The following CNTNAP2 variants were observed in gnomAD, a reference collection of about 807,000 sequenced individuals.
CNTNAP2 encodes the protein contactin associated protein 2.
In CNTNAP2, 98 loss-of-function variants were observed where a neutral mutation model predicts 155.2. The observed-to-expected ratio is 0.63, with a 90% confidence interval of 0.54 to 0.75. The LOEUF (loss-of-function observed/expected upper bound fraction) is 0.75, where lower values mean the gene tolerates loss of function less well. Among genes scored for constraint, CNTNAP2 ranks in the 30% least tolerant of loss-of-function variants. The pLI is 0.00. For synonymous variants in CNTNAP2, 651 were observed against 631.2 expected, an observed-to-expected ratio of 1.03 and a Z score of -0.47; for missense variants, 1,727 against 1,688.1, an observed-to-expected ratio of 1.02 and a Z score of -0.40.
Position 146,585,824 on chromosome 7 carries a change from T to TGAGA in CNTNAP2, c.98-188436_98-188433dup, listed in dbSNP as rs910519048. Among the ~76,000 whole-genome samples the TGAGA allele has an allele frequency of 1.6e-3, 242 of 147,646 alleles. 5 individuals carry two copies. The highest frequency in any genetic ancestry group is 0.011 in the South Asian group (49 of 4,586). On this transcript the variant is annotated intron_variant, in intron 1 of 23. Transcript: ENST00000361727. The stretch of plus-strand genomic sequence containing the variant: ...AGGAAGGAGGGAGGGAGGGAAGGAA[T>TGAGA]GAGAGAGAGAGAGAAAGAAGAGAGA...
At chr7:146,842,725 G>T (rs957910372) in intron 3 of CNTNAP2, among the ~76,000 whole-genome samples, 3 of 152,104 alleles carry the variant, frequency 2.0e-5, no homozygotes, top group African/African-American at 4.8e-5. Flanking sequence ...TCGCTCTTTC[G>T]CCCAGGCTGG....
intron 2 of CNTNAP2, among the ~76,000 whole-genome samples, chr7:146,793,621 C>T (rs1445252417): frequency 2.0e-5 from 3 of 152,224 alleles, no homozygotes; most frequent in East Asian, 1.9e-4. Flanking sequence ...GGCAAGAATG[C>T]GATAGCTGTT....
chr7:146,698,168 T>C (rs1800813733), intron 1 of CNTNAP2, among the ~76,000 whole-genome samples: 1 of 152,136 alleles, frequency 6.6e-6, no homozygotes, highest in Admixed American at 6.5e-5. Flanking sequence ...AAAATATTGC[T>C]GCTATTATTA....
chr7:147,274,297 C>T (rs542744063), intron 8 of CNTNAP2, among the ~76,000 whole-genome samples: 17 of 152,112 alleles, frequency 1.1e-4, no homozygotes, highest in South Asian at 2.1e-4. Flanking sequence ...CCCTTTTCTC[C>T]GCATCCTTAC....
At chr7:146,780,242 G>A (rs1268312397) in intron 2 of CNTNAP2, among the ~76,000 whole-genome samples, 2 of 151,882 alleles carry the variant, frequency 1.3e-5, no homozygotes, top group Non-Finnish European at 2.9e-5. Flanking sequence ...CTGGAGTGCA[G>A]TGGTGCGATC....
chr7:146,926,474 G>A (rs1796611733), intron 3 of CNTNAP2, among the ~76,000 whole-genome samples: 1 of 151,966 alleles, frequency 6.6e-6, no homozygotes, highest in Non-Finnish European at 1.5e-5. Context: ...AGTTTCCTAG[G>A]TAGTAAGCTT....
chr7:147,011,418 CAAAAAAAAAAAAAA>C (rs759844476), intron 3 of CNTNAP2, among the ~76,000 whole-genome samples: 2 of 13,258 alleles, frequency 1.5e-4, no homozygotes, highest in African/African-American at 2.0e-4. Flanking sequence ...CACTCCATCT[CAAAAAAAAAAAAAA>C]AAAAAAAAAA....
intron 1 of CNTNAP2, among the ~76,000 whole-genome samples, chr7:146,766,084 C>T (rs1802189813): frequency 6.6e-6 from 1 of 152,038 alleles, no homozygotes; most frequent in Admixed American, 6.6e-5. Context: ...CAGGGCATGG[C>T]AAAATCTGAT....
At position 147,380,574 on chromosome 7, in the gene CNTNAP2, AAAAAAAGGCAG is replaced by A. The variant is rs1457863525; in HGVS notation, c.1499-15029_1499-15019del. Reference sequence around the variant, plus strand: ...AGCACACTCCTAAGCATCAAAGCCAAAAAAAAGGCAGAAAAATGTTAAGGTGACAAAGGCAA... The same window carrying A: ...AGCACACTCCTAAGCATCAAAGCCAAAAAAATGTTAAGGTGACAAAGGCAA... On this transcript the variant is annotated intron_variant, in intron 9 of 23. Transcript: ENST00000361727. Among the ~76,000 whole-genome samples the A allele has an allele frequency of 8.3e-4, 127 of 152,156 alleles. 1 individual carries two copies. The East Asian group carries it at 0.023, about 28-fold the overall frequency.
At chr7:147,563,103 C>T (rs1256675737) in intron 12 of CNTNAP2, among the ~76,000 whole-genome samples, 1 of 152,162 alleles carries the variant, frequency 6.6e-6, no homozygotes, top group African/African-American at 2.4e-5. Flanking sequence ...TACATCCTGG[C>T]TTCATTAATC....
chr7:147,491,630 G>C (rs138030325), intron 11 of CNTNAP2, among the ~76,000 whole-genome samples: 1 of 152,100 alleles, frequency 6.6e-6, no homozygotes, highest in Non-Finnish European at 1.5e-5. Context: ...GACTATGCAC[G>C]CAGTGAATAT....
intron 17 of CNTNAP2, among the ~76,000 whole-genome samples, chr7:148,166,503 A>G (rs1203287287): frequency 2.0e-5 from 3 of 151,036 alleles, no homozygotes; most frequent in Non-Finnish European, 2.9e-5. Flanking sequence ...TTTTTTTATA[A>G]TTCCTCTTGA....
At chr7:147,312,752 T>C (rs1199614126) in intron 9 of CNTNAP2, among the ~76,000 whole-genome samples, 1 of 112,608 alleles carries the variant, frequency 8.9e-6, no homozygotes, top group African/African-American at 4.2e-5. Context: ...AACAGCATGA[T>C]TTATAGTCCT....
chr7:146,538,941 T>C (rs1037465448), intron 1 of CNTNAP2, among the ~76,000 whole-genome samples: 8 of 152,062 alleles, frequency 5.3e-5, no homozygotes, highest in African/African-American at 1.9e-4. Flanking sequence ...TCATTTTCAT[T>C]TGAAGTGAAA....
intron 7 of CNTNAP2, among the ~76,000 whole-genome samples, 174 bp downstream of exon 7, chr7:147,129,010 T>G (rs1250524740): frequency 6.6e-6 from 1 of 152,202 alleles, no homozygotes; most frequent in Non-Finnish European, 1.5e-5. Context: ...CTTGCTATTC[T>G]TTGAGAATAG....
At chr7:148,166,725 T>G (rs1294747450) in intron 17 of CNTNAP2, among the ~76,000 whole-genome samples, 1 of 152,226 alleles carries the variant, frequency 6.6e-6, no homozygotes, top group South Asian at 2.1e-4. Context: ...GTCTGACTAA[T>G]GTGCGTGAAG....
chr7:146,624,978 G>T (rs1202449657), intron 1 of CNTNAP2, among the ~76,000 whole-genome samples: 1 of 151,800 alleles, frequency 6.6e-6, no homozygotes, highest in Non-Finnish European at 1.5e-5. Context: ...AGACAAAAAA[G>T]AAAAATAATC....
At chr7:146,163,644 A>G (rs1015972914) in intron 1 of CNTNAP2, among the ~76,000 whole-genome samples, 2 of 149,188 alleles carry the variant, frequency 1.3e-5, no homozygotes, top group Non-Finnish European at 3.0e-5. Context: ...GCTACTCGGG[A>G]AGCTAAGGTA....
intron 11 of CNTNAP2, among the ~76,000 whole-genome samples, chr7:147,556,020 C>A (rs752490802): frequency 5.9e-5 from 9 of 152,200 alleles, no homozygotes; most frequent in Non-Finnish European, 1.2e-4. Context: ...TATAGGCCTG[C>A]GGCCACGTCT....
Sources: allele counts gnomAD v4.1 joint callset (sites outside exome capture counted in the v4.1 genomes callset), GRCh38; gene constraint gnomAD v4.1.1; transcripts MANE v1.5; gene names NCBI Gene and HGNC (gene_info 2026-07-23, HGNC 2026-07-21).